AGBL4: variants seen among roughly 807,000 people sequenced by gnomAD.
AGBL4 encodes the protein AGBL carboxypeptidase 4, also known as cytosolic carboxypeptidase 6.
In AGBL4, 58 loss-of-function variants were observed where a neutral mutation model predicts 66.4. The ratio of observed to expected loss-of-function variants is 0.87; its 90% confidence interval spans 0.71 to 1.09. The LOEUF (loss-of-function observed/expected upper bound fraction) is 1.09. AGBL4 is among the 50% of genes least tolerant of loss of function. The pLI is 0.00. For missense variants in AGBL4, 579 were observed against 631.0 expected (o/e 0.92, Z 0.88); for synonymous variants, 234 against 222.9 (o/e 1.05, Z -0.44).
At chr1:49,521,774 A>G (rs1650281871) in intron 3 of AGBL4, among the ~76,000 whole-genome samples, 1 of 152,156 alleles carries the variant, frequency 6.6e-6, no homozygotes, top group African/African-American at 2.4e-5. Flanking sequence ...TAAGTCCTCA[A>G]AAGCAATTGC....
At chr1:49,364,528 GA>G (rs1433592193) in intron 3 of AGBL4, among the ~76,000 whole-genome samples, 2 of 151,668 alleles carry the variant, frequency 1.3e-5, no homozygotes, top group Non-Finnish European at 2.9e-5. Context: ...GCCCAGGCTG[GA>G]GTCAGTGGCA....
chr1:48,920,799 A>G (rs565230567), intron 5 of AGBL4, among the ~76,000 whole-genome samples: 47 of 152,260 alleles, frequency 3.1e-4, no homozygotes, highest in Non-Finnish European at 5.1e-4. Flanking sequence ...CTCAGGCTGG[A>G]TAGGGAGGGA....
At chr1:49,452,239 G>A (rs931209871) in intron 3 of AGBL4, among the ~76,000 whole-genome samples, 3 of 151,960 alleles carry the variant, frequency 2.0e-5, no homozygotes, top group East Asian at 1.9e-4. Context: ...AGCTAACACC[G>A]TTTTACTATA....
At chr1:49,418,674 C>T (rs1018832311) in intron 3 of AGBL4, among the ~76,000 whole-genome samples, 2 of 152,128 alleles carry the variant, frequency 1.3e-5, no homozygotes, top group Non-Finnish European at 1.5e-5. Flanking sequence ...TGTGATCCCC[C>T]CTGTGCTTAA....
At chr1:49,793,631 T>C (rs142649567) in intron 2 of AGBL4, among the ~76,000 whole-genome samples, 65 of 152,058 alleles carry the variant, frequency 4.3e-4, no homozygotes, top group African/African-American at 1.5e-3. Context: ...GGAAAAAATC[T>C]AGAATTCTAC....
intron 2 of AGBL4, among the ~76,000 whole-genome samples, chr1:49,813,236 C>A (rs184057973): frequency 1.3e-5 from 2 of 152,096 alleles, no homozygotes; most frequent in African/African-American, 4.8e-5. Flanking sequence ...CACTATACCA[C>A]TAGTAGGCAG....
chr1:49,768,510 T>G (rs931028199), intron 2 of AGBL4, among the ~76,000 whole-genome samples: 2 of 151,992 alleles, frequency 1.3e-5, no homozygotes, highest in Non-Finnish European at 2.9e-5. Context: ...AAACTAGACA[T>G]CAAAAGAGCA....
Position 49,604,692 on chromosome 1 carries a change from G to C in AGBL4, c.282+92621C>G, listed in dbSNP as rs866519877. On this transcript the variant is annotated intron_variant, in intron 3 of 13. Coordinates refer to ENST00000371839, the MANE Select transcript of AGBL4 (RefSeq NM_032785.4). ...AAATATATGTAAGAGTTGCTGAAAT[G>C]GGTCAGGTCAGGAGGTACATAGACT... Among the ~76,000 whole-genome samples, 23 of 152,196 alleles carry C rather than the reference G, an allele frequency of 1.5e-4. 1 individual carries two copies. Among genetic ancestry groups the C allele is most frequent in the South Asian group, 1.0e-3 (5 of 4,816 alleles).
At chr1:48,667,552 A>G (rs1041554829) in intron 6 of AGBL4, among the ~76,000 whole-genome samples, 3 of 152,224 alleles carry the variant, frequency 2.0e-5, no homozygotes, top group Non-Finnish European at 4.4e-5. Flanking sequence ...CACATTCTTG[A>G]CCCACAGAAA....
At chr1:49,225,532 C>T (rs1649847767) in intron 4 of AGBL4, among the ~76,000 whole-genome samples, 1 of 152,210 alleles carries the variant, frequency 6.6e-6, no homozygotes, top group South Asian at 2.1e-4. Context: ...CAAGGTGGGA[C>T]TGCTTCATGC....
At chr1:49,660,074 T>C (rs1220382937) in intron 3 of AGBL4, among the ~76,000 whole-genome samples, 2 of 152,058 alleles carry the variant, frequency 1.3e-5, no homozygotes, top group South Asian at 2.1e-4. Context: ...CAAAAAGCAA[T>C]TGCAACAAAA....
At chr1:49,098,939 A>G (rs1231743630) in intron 4 of AGBL4, among the ~76,000 whole-genome samples, 1 of 152,126 alleles carries the variant, frequency 6.6e-6, no homozygotes, top group African/African-American at 2.4e-5. Context: ...CTGTTTTGCT[A>G]TTGATTTTAA....
At chr1:49,121,986 A>C (rs1204216975) in intron 4 of AGBL4, among the ~76,000 whole-genome samples, 1 of 152,218 alleles carries the variant, frequency 6.6e-6, no homozygotes, top group Non-Finnish European at 1.5e-5. Context: ...AGCAGTGAGC[A>C]AGGCTCCGTA....
intron 5 of AGBL4, among the ~76,000 whole-genome samples, chr1:48,899,035 G>T (rs959720835): frequency 5.9e-5 from 9 of 152,228 alleles, no homozygotes; most frequent in Non-Finnish European, 8.8e-5. Context: ...AACCTTGGAC[G>T]TGGCGGGGCT....
chr1:49,839,568 A>G (rs897775340), intron 2 of AGBL4, among the ~76,000 whole-genome samples: 1 of 152,172 alleles, frequency 6.6e-6, no homozygotes, highest in Non-Finnish European at 1.5e-5. Flanking sequence ...AACAATGGGG[A>G]GCCATGACAG....
At chr1:49,509,751 A>G (rs1649035865) in intron 3 of AGBL4, among the ~76,000 whole-genome samples, 1 of 151,934 alleles carries the variant, frequency 6.6e-6, no homozygotes, top group Non-Finnish European at 1.5e-5. Flanking sequence ...ATGGCCTTGG[A>G]GCAAGTTACC....
chr1:48,929,869 A>C (rs1654896423), intron 5 of AGBL4, among the ~76,000 whole-genome samples: 1 of 152,108 alleles, frequency 6.6e-6, no homozygotes, highest in Admixed American at 6.6e-5. Flanking sequence ...CTGCCACCTC[A>C]GACTTTTCTC....
chr1:48,869,396 G>A (rs545999735), intron 5 of AGBL4, among the ~76,000 whole-genome samples: 2 of 152,284 alleles, frequency 1.3e-5, no homozygotes, highest in East Asian at 1.9e-4. Flanking sequence ...ATGTGGCTTG[G>A]CACTTTCTTC....
intron 9 of AGBL4, among the ~76,000 whole-genome samples, chr1:48,619,227 C>T (rs984016758): frequency 3.3e-5 from 5 of 152,144 alleles, no homozygotes; most frequent in African/African-American, 7.2e-5. Context: ...ATGTATTAGG[C>T]GCTATGCTCT....
Sources: gnomAD v4.1 joint callset for allele counts (sites outside exome capture counted in the v4.1 genomes callset) on GRCh38, gnomAD v4.1.1 for gene constraint, MANE v1.5 for transcripts, NCBI Gene and HGNC (gene_info 2026-07-23, HGNC 2026-07-21) for gene names.